ST6GAL2: variants seen among roughly 807,000 people sequenced by gnomAD.
ST6GAL2 encodes the protein ST6 beta-galactoside alpha-2,6-sialyltransferase 2.
Under a neutral mutation model 37.5 loss-of-function variants are expected in ST6GAL2, and 24 were observed. That is an observed-to-expected ratio of 0.64 (90% CI 0.46 to 0.90). The LOEUF (loss-of-function observed/expected upper bound fraction) is 0.90, where lower values mean the gene tolerates loss of function less well. Among genes scored for constraint, ST6GAL2 ranks in the 40% least tolerant of loss-of-function variants. The pLI is 0.00. For missense variants in ST6GAL2, 715 were observed against 712.7 expected (o/e 1.00, Z -0.04); for synonymous variants, 306 against 295.1 (o/e 1.04, Z -0.38).
chr2:106,861,756 G>A (rs181696921), intron 1 of ST6GAL2, among the ~76,000 whole-genome samples: 250 of 151,676 alleles, frequency 1.6e-3, no homozygotes, highest in Non-Finnish European at 1.6e-3. Context: ...TCAGCCTCCC[G>A]AATAGCCGGG....
At chr2:106,820,301 C>A (rs1026706081) in intron 5 of ST6GAL2, among the ~76,000 whole-genome samples, 2 of 151,800 alleles carry the variant, frequency 1.3e-5, no homozygotes, top group South Asian at 2.1e-4. Flanking sequence ...ATGGAACCCA[C>A]CTCCCAACTA....
At position 106,803,554 on chromosome 2, in the gene ST6GAL2, G is replaced by A. The variant is rs1333962153; in HGVS notation, c.*3124C>T. On this transcript the variant is annotated 3_prime_UTR_variant, in exon 6 of 6. Coordinates refer to ENST00000409382, the MANE Select transcript of ST6GAL2 (RefSeq NM_001142351.2). The stretch of plus-strand genomic sequence containing the variant: ...CTGGTGTGACTGGCTGGAGAAATAA[G>A]GTAGGGAGAATCTAGATATGGTTGA... 1 of 152,032 alleles carries A rather than the reference G, an allele frequency of 6.6e-6. No homozygotes were observed. Among genetic ancestry groups the A allele is most frequent in the African/African-American group, 2.4e-5 (1 of 41,388 alleles). 9.4% of individuals were successfully genotyped at this position (152,032 alleles called of 1,614,324 possible).
At chr2:106,841,022 G>C (rs1246644909) in intron 2 of ST6GAL2, 1 of 152,236 alleles carries the variant, frequency 6.6e-6, no homozygotes, top group Non-Finnish European at 1.5e-5. Context: ...AGGCTGCTCT[G>C]CTCTGGCTTT....
chr2:106,833,573 C>T (rs764189461), intron 3 of ST6GAL2, among the ~76,000 whole-genome samples: 1 of 152,144 alleles, frequency 6.6e-6, no homozygotes, highest in Non-Finnish European at 1.5e-5. Context: ...TCATTAAGAA[C>T]GTGAAGAAAC....
At chr2:106,810,615 T>C (rs1675567998) in intron 5 of ST6GAL2, among the ~76,000 whole-genome samples, 1 of 152,168 alleles carries the variant, frequency 6.6e-6, no homozygotes, top group Non-Finnish European at 1.5e-5. Flanking sequence ...GGAATTGGTA[T>C]GGAGGCATCT....
At chr2:106,867,513 T>C (rs1193179243) in intron 1 of ST6GAL2, among the ~76,000 whole-genome samples, 6 of 152,332 alleles carry the variant, frequency 3.9e-5, no homozygotes, top group African/African-American at 1.2e-4. Context: ...CGGCAAAGCC[T>C]ATGATTTTGG....
At position 106,802,811 on chromosome 2, in the gene ST6GAL2, C is replaced by T. The variant is rs970867413; in HGVS notation, c.*3867G>A. The T allele has an allele frequency of 2.0e-5, 3 of 152,220 alleles. No individual in the cohort carries two copies. Among genetic ancestry groups the T allele is most frequent in the African/African-American group, 7.2e-5 (3 of 41,448 alleles). 9.4% of individuals were successfully genotyped at this position (152,220 alleles called of 1,614,324 possible). On this transcript the variant is annotated 3_prime_UTR_variant, in exon 6 of 6. Transcript: ENST00000409382. ...TCACTCATGTCTTTCTGATAATTCC[C>T]CTGGTCCCACCTCACTCCCTTTCTC...
chr2:106,828,583 T>TA (rs1676292383), intron 5 of ST6GAL2, among the ~76,000 whole-genome samples: 1 of 152,194 alleles, frequency 6.6e-6, no homozygotes, highest in Non-Finnish European at 1.5e-5. Context: ...AAACCCACTC[T>TA]AAAATCTGCA....
intron 1 of ST6GAL2, among the ~76,000 whole-genome samples, chr2:106,884,956 T>C (rs1335571375): frequency 5.0e-5 from 6 of 118,942 alleles, no homozygotes; most frequent in African/African-American, 1.0e-4. Flanking sequence ...CACACATATA[T>C]ACATATGTGT....
intron 1 of ST6GAL2, among the ~76,000 whole-genome samples, chr2:106,870,882 T>G (rs1210770316): frequency 6.6e-6 from 1 of 151,904 alleles, no homozygotes; most frequent in Non-Finnish European, 1.5e-5. Flanking sequence ...GGCTTGGGGG[T>G]GTGCGGGGAT....
At chr2:106,878,354 C>T (rs1181980685) in intron 1 of ST6GAL2, among the ~76,000 whole-genome samples, 1 of 151,862 alleles carries the variant, frequency 6.6e-6, no homozygotes, top group African/African-American at 2.4e-5. Context: ...ATCCCAGTTA[C>T]TCAGGAGGCT....
chr2:106,880,470 C>T (rs1256420928), intron 1 of ST6GAL2, among the ~76,000 whole-genome samples: 4 of 152,206 alleles, frequency 2.6e-5, no homozygotes. Context: ...TCTCAACAGT[C>T]AAATGCATTC....
chr2:106,827,018 T>C (rs1485806553), intron 5 of ST6GAL2, among the ~76,000 whole-genome samples: 1 of 152,150 alleles, frequency 6.6e-6, no homozygotes, highest in Admixed American at 6.5e-5. Context: ...GATGGGACTG[T>C]GCAAACTGAA....
chr2:106,824,888 C>A (rs753953663), intron 5 of ST6GAL2: 1 of 152,168 alleles, frequency 6.6e-6, no homozygotes, highest in Non-Finnish European at 1.5e-5. Flanking sequence ...TCCATCAGTA[C>A]GGAGCCTGTG....
At chr2:106,869,193 C>T (rs1370904298) in intron 1 of ST6GAL2, among the ~76,000 whole-genome samples, 1 of 152,160 alleles carries the variant, frequency 6.6e-6, no homozygotes, top group Admixed American at 6.5e-5. Context: ...AGAGGAAGGC[C>T]TGGAAGGGAG....
rs1416447332 is a variant in ST6GAL2 at position 106,843,362 on chromosome 2, G to C, written c.616C>G (p.Arg206Gly). 6 of 1,613,982 alleles carry C rather than the reference G, an allele frequency of 3.7e-6. No homozygotes were observed. Among genetic ancestry groups the C allele is most frequent in the Non-Finnish European group, 5.1e-6 (6 of 1,180,022 alleles). ...YSSMSRAFLY[R>G]LWKGNVSSKM... ...GAAGAGACGTTCCCCTTCCAGAGCC[G>C]GTACAGGAAGGCCCTGGACATGGAG... Residue 206 changes from arginine to glycine, a missense_variant, in exon 2 of 6, where the codon CGG becomes GGG. By Grantham distance (125) the Arg-to-Gly change is moderately radical. Transcript: ENST00000409382.
intron 1 of ST6GAL2, among the ~76,000 whole-genome samples, chr2:106,878,564 C>T (rs999615180): frequency 5.3e-5 from 8 of 152,040 alleles, no homozygotes; most frequent in South Asian, 2.1e-4. Context: ...GAATTCAAGA[C>T]CAGCCTGGAG....
intron 1 of ST6GAL2, among the ~76,000 whole-genome samples, chr2:106,864,874 T>C (rs1163857050): frequency 1.3e-5 from 2 of 152,186 alleles, no homozygotes; most frequent in South Asian, 4.1e-4. Context: ...ACTCCGACAG[T>C]AAATTTGATT....
intron 1 of ST6GAL2, among the ~76,000 whole-genome samples, chr2:106,880,908 G>C (rs1485561325): frequency 6.6e-6 from 1 of 152,166 alleles, no homozygotes; most frequent in African/African-American, 2.4e-5. Context: ...GCAAGTGTGT[G>C]AATGTGTCTG....
Sources: gnomAD v4.1 joint callset for allele counts (sites outside exome capture counted in the v4.1 genomes callset) on GRCh38, gnomAD v4.1.1 for gene constraint, MANE v1.5 for transcripts, NCBI Gene and HGNC (gene_info 2026-07-23, HGNC 2026-07-21) for gene names.